LYST: variants seen among roughly 807,000 people sequenced by gnomAD.
LYST encodes lysosomal-trafficking regulator.
Under a neutral mutation model 413.6 loss-of-function variants are expected in LYST, and 192 were observed. The ratio of observed to expected loss-of-function variants is 0.46; its 90% CI spans 0.41 to 0.52. LYST has a LOEUF of 0.52. Among genes scored for constraint, LYST ranks in the 20% least tolerant of loss-of-function variants. The probability of loss-of-function intolerance (pLI) is 0.00; values close to 1 mark genes in which losing one functional copy is unlikely to be tolerated. For missense variants in LYST, 3,815 were observed against 4,499.9 expected (o/e 0.85, Z 4.35); for synonymous variants, 1,525 against 1,567.3 (o/e 0.97, Z 0.64).
chr1:235,864,974 C>G (rs1419876605), intron 1 of LYST, among the ~76,000 whole-genome samples: 1 of 152,178 alleles, frequency 6.6e-6, no homozygotes, highest in Non-Finnish European at 1.5e-5. Flanking sequence ...AGAGTGGACT[C>G]CCCTTTCCAC....
intron 20 of LYST, among the ~76,000 whole-genome samples, chr1:235,768,882 C>G (rs1275372243): frequency 6.6e-6 from 1 of 151,960 alleles, no homozygotes; most frequent in Non-Finnish European, 1.5e-5. Flanking sequence ...TATTCTATTC[C>G]CTACAACAAT....
chr1:235,877,685 C>T (rs896115292), intron 1 of LYST, among the ~76,000 whole-genome samples: 5 of 152,204 alleles, frequency 3.3e-5, no homozygotes, highest in Non-Finnish European at 5.9e-5. Context: ...GGATTACAAG[C>T]GTGAGCCACC....
intron 10 of LYST, among the ~76,000 whole-genome samples, chr1:235,794,197 A>G (rs139877317): frequency 1.6e-4 from 24 of 152,294 alleles, no homozygotes; most frequent in African/African-American, 5.8e-4. Flanking sequence ...TCTTTAAAGA[A>G]ACATAAATCA....
chr1:235,703,156 A>G (rs1025209924), intron 44 of LYST, among the ~76,000 whole-genome samples, 179 bp from the exon 45 acceptor site: 1 of 152,252 alleles, frequency 6.6e-6, no homozygotes, highest in Admixed American at 6.5e-5. Context: ...GTTTCTGAAT[A>G]GGTGAACAAA....
In LYST at chr1:235,741,585, A is replaced by T. The variant is rs1476265083; in HGVS notation, c.8195T>A (p.Ile2732Asn). 1.9e-6 allele frequency: 3 copies of T among 1,614,008 alleles called. No individual in the cohort carries two copies. The Admixed American group carries it at 5.0e-5, about 27-fold the overall frequency. The change falls in exon 31 of 53, where the codon ATT becomes AAT. Residue 2732 changes from isoleucine (I) to asparagine (N), a missense_variant. Ile to Asn is a moderately radical substitution (Grantham distance 149). Around this residue, in one of 4 missense-constraint regions of LYST, gnomAD observed 771 missense variants for 837.1 expected, o/e 0.92. Coordinates refer to ENST00000389793, the MANE Select transcript of LYST (RefSeq NM_000081.4). ...GAAGGTCTCCTTACAAGACCACAGAATTTTAGTCCATTGCTGCTTGGAACC... is the reference window on the plus strand; with the variant it reads ...GAAGGTCTCCTTACAAGACCACAGATTTTTAGTCCATTGCTGCTTGGAACC... ...ASGSKQQWTK[I>N]LWSCKETFRM...
At chr1:235,726,671 T>C (rs1306461709) in intron 38 of LYST, among the ~76,000 whole-genome samples, 2 of 152,198 alleles carry the variant, frequency 1.3e-5, no homozygotes, top group African/African-American at 4.8e-5. Flanking sequence ...AAAATTTTCC[T>C]CTTTATTTAA....
At position 235,733,676 on chromosome 1, in the gene LYST, C is replaced by G. The variant is rs1189836382; in HGVS notation, c.8628G>C (p.Leu2876=). ...NNNQQSLFQR[L]DSKSKDISKI... ...TAGATATATCCTTTGATTTTGAATC[C>G]AGACGCTGAAAGAGACTAAACAAAT... The change falls in exon 34 of 53, where the codon CTG becomes CTC. Residue 2876 remains leucine (L), a synonymous_variant. Transcript: ENST00000389793. 1 of 1,613,282 alleles carries G rather than the reference C, an allele frequency of 6.2e-7. No homozygotes were observed. The highest frequency in any genetic ancestry group is 1.7e-5 in the Admixed American group (1 of 59,972).
chr1:235,693,451 A>G lies in LYST; in HGVS notation c.10600T>C (p.Ser3534Pro). 1 of 1,613,852 alleles carries G rather than the reference A, an allele frequency of 6.2e-7. No individual in the cohort carries two copies. The highest frequency in any genetic ancestry group is 8.5e-7 in the Non-Finnish European group (1 of 1,179,718). Residue 3534 changes from serine to proline, a missense_variant, in exon 47 of 53, where the codon TCA (serine) becomes CCA (proline). This residue lies in a region of LYST where 866 missense variants were observed against 1,156.0 expected (regional missense o/e 0.75). Coordinates refer to ENST00000389793, the MANE Select transcript of LYST (RefSeq NM_000081.4). ...RSMNSTDIQW[S>P]AILSWGYADN... ...GCATATCCCCAGCTCAGGATGGCTG[A>G]CCACTGAATGTCCGTACTGTTCATG... is the stretch of plus-strand genomic sequence containing the variant.
At chr1:235,771,598 C>T (rs1668677168) in intron 19 of LYST, among the ~76,000 whole-genome samples, 1 of 138,762 alleles carries the variant, frequency 7.2e-6, no homozygotes, top group African/African-American at 2.9e-5. Flanking sequence ...TCTATCTTAT[C>T]TTTTTTTTTT....
chr1:235,872,729 A>C (rs1251784041), intron 1 of LYST, among the ~76,000 whole-genome samples: 1 of 152,162 alleles, frequency 6.6e-6, no homozygotes, highest in Non-Finnish European at 1.5e-5. Context: ...AGCCTGGCCA[A>C]CATGGTGAAA....
chr1:235,833,726 TG>T, intron 1 of LYST, 59 bp from the exon 2 acceptor site: 1 of 303,830 alleles, frequency 3.3e-6, no homozygotes, highest in Non-Finnish European at 4.8e-6. Context: ...TTAACAAAGT[TG>T]TGACATAATC....
intron 23 of LYST, 26 bp downstream of exon 23, chr1:235,758,946 A>G (rs748149337): frequency 6.2e-7 from 1 of 1,610,908 alleles, no homozygotes; most frequent in South Asian, 1.1e-5. Context: ...TAAAGGTGGG[A>G]GGAGTGTACA....
intron 3 of LYST, among the ~76,000 whole-genome samples, chr1:235,825,820 C>A (rs1245255250): frequency 6.6e-6 from 1 of 151,960 alleles, no homozygotes; most frequent in East Asian, 1.9e-4. Flanking sequence ...GTAGAAATAA[C>A]AAGTTGATTC....
intron 1 of LYST, among the ~76,000 whole-genome samples, chr1:235,843,918 G>A (rs539264860): frequency 2.0e-5 from 3 of 152,236 alleles, no homozygotes; most frequent in East Asian, 3.9e-4. Context: ...GTAACACTAC[G>A]TGCTTGCCTA....
At chr1:235,685,807 T>C (rs1345903565) in intron 48 of LYST, among the ~76,000 whole-genome samples, 1 of 151,034 alleles carries the variant, frequency 6.6e-6, no homozygotes, top group Non-Finnish European at 1.5e-5. Context: ...GATCACACCA[T>C]TGCACTCTGG....
chr1:235,753,390 G>T, intron 25 of LYST, 116 bp from the exon 26 acceptor site: 1 of 694,372 alleles, frequency 1.4e-6, no homozygotes, highest in Non-Finnish European at 2.6e-6. Context: ...AACAAGTTGG[G>T]GGAGTAAGGA....
At position 235,693,466 on chromosome 1, in the gene LYST, T is replaced by C; in HGVS notation, c.10585A>G (p.Thr3529Ala). 6.2e-7 allele frequency: 1 copy of C among 1,614,000 alleles called. No individual in the cohort carries two copies. Reference sequence around the variant, plus strand: ...AGGATGGCTGACCACTGAATGTCCGTACTGTTCATGCTTCTCACACCTCAA... The same window carrying C: ...AGGATGGCTGACCACTGAATGTCCGCACTGTTCATGCTTCTCACACCTCAA... ...KEQGVRSMNS[T>A]DIQWSAILSW... Residue 3529 changes from threonine to alanine, a missense_variant, in exon 47 of 53, where the codon ACG becomes GCG. Physicochemically the swap from Thr to Ala is moderately conservative, Grantham distance 58. Transcript: ENST00000389793.
At chr1:235,827,701 A>G in intron 3 of LYST, 10 of 983,014 alleles carry the variant, frequency 1.0e-5, no homozygotes, top group Non-Finnish European at 1.2e-5. Context: ...ATTGCTACAG[A>G]TATTCCAAAA....
rs1341486654 is a variant in LYST at position 235,791,840 on chromosome 1, G to A, written c.4402C>T (p.His1468Tyr). The A allele has an allele frequency of 1.2e-6, 2 of 1,614,166 alleles. No individual in the cohort carries two copies. Among genetic ancestry groups the A allele is most frequent in the Non-Finnish European group, 1.7e-6 (2 of 1,180,004 alleles). Residue 1468 changes from histidine to tyrosine, a missense_variant, in exon 12 of 53, where the codon CAC (histidine) becomes TAC (tyrosine). This residue lies in a region of LYST where 1,648 missense variants were observed against 1,810.3 expected (regional missense o/e 0.91). Transcript: ENST00000389793. ...GAAACACTGAAACCTTCTGATAGGT[G>A]TGGCCAGCAGTTTTGCCCCAGCAAC... The part of the protein sequence containing the change: ...LPLLGQNCWP[H>Y]LSEGFSVSLW...
Sources: gnomAD v4.1 joint callset for allele counts (sites outside exome capture counted in the v4.1 genomes callset) on GRCh38, gnomAD v4.1.1 for gene constraint, gnomAD v4.1.1 regional missense constraint, MANE v1.5 for transcripts, NCBI Gene and HGNC (gene_info 2026-07-23, HGNC 2026-07-21) for gene names.